MTFMT: variants seen among roughly 807,000 people sequenced by gnomAD.
MTFMT encodes the protein mitochondrial methionyl-tRNA formyltransferase, also known as methionyl-tRNA formyltransferase, mitochondrial.
In MTFMT, 47 loss-of-function variants were observed where a neutral mutation model predicts 51.8. The ratio of observed to expected loss-of-function variants is 0.91; its 90% CI spans 0.72 to 1.16. The LOEUF (loss-of-function observed/expected upper bound fraction) is 1.16. MTFMT is among the 50% of genes most tolerant of loss of function. MTFMT has a pLI of 0.00. For missense variants in MTFMT, 512 were observed against 482.3 expected, an observed-to-expected ratio of 1.06 and a Z score of -0.58; for synonymous variants, 196 against 176.7, an observed-to-expected ratio of 1.11 and a Z score of -0.87.
At position 65,003,160 on chromosome 15, in the gene MTFMT, A is replaced by T. The variant is rs1436329141; in HGVS notation, c.1072T>A (p.Ser358Thr). The change falls in exon 9 of 9, where the codon TCC becomes ACC. Residue 358 changes from serine to threonine, a missense_variant. Transcript: ENST00000220058. ...GYLHPWYQKN[S>T]QAQPSQCRFQ... is the part of the protein sequence containing the mutation. ...CTGCATTGGCTTGGTTGAGCTTGGGAATTTTTCTGGTACCAGGGGTGCAAA... is the reference window on the plus strand; with the variant it reads ...CTGCATTGGCTTGGTTGAGCTTGGGTATTTTTCTGGTACCAGGGGTGCAAA... 4.3e-6 allele frequency: 7 copies of T among 1,613,468 alleles called. No individual in the cohort carries two copies. The South Asian group carries it at 7.7e-5, about 18-fold the overall frequency.
chr15:65,024,956 T>G (rs1435046004), intron 2 of MTFMT, among the ~76,000 whole-genome samples: 1 of 152,178 alleles, frequency 6.6e-6, no homozygotes, highest in Non-Finnish European at 1.5e-5. Flanking sequence ...GAGGGAACAT[T>G]AAGTACAAAG....
intron 6 of MTFMT, among the ~76,000 whole-genome samples, chr15:65,009,574 CT>C (rs2086246035): frequency 6.6e-6 from 1 of 152,192 alleles, no homozygotes; most frequent in Non-Finnish European, 1.5e-5. Context: ...ATGTCCACTT[CT>C]TTTTATCCAC....
intron 1 of MTFMT, among the ~76,000 whole-genome samples, chr15:65,028,623 AAGG>A (rs1173376821): frequency 6.6e-6 from 1 of 152,108 alleles, no homozygotes; most frequent in African/African-American, 2.4e-5. Flanking sequence ...CTGTAGGGAA[AAGG>A]AGATGGAGAT....
intron 1 of MTFMT, among the ~76,000 whole-genome samples, chr15:65,027,979 C>A (rs1253493820): frequency 6.6e-6 from 1 of 152,212 alleles, no homozygotes; most frequent in Non-Finnish European, 1.5e-5. Flanking sequence ...ATCCTTTCTA[C>A]CTGCTGCATA....
intron 5 of MTFMT, among the ~76,000 whole-genome samples, chr15:65,019,676 C>A (rs1035186035): frequency 2.0e-5 from 3 of 151,926 alleles, no homozygotes; most frequent in African/African-American, 4.8e-5. Context: ...AGAGACATAA[C>A]AACTAATTAC....
At chr15:65,003,845 C>CAAAAAAAAAAAAAAAAAAAAA (rs768884218) in intron 8 of MTFMT, among the ~76,000 whole-genome samples, 1 of 40,642 alleles carries the variant, frequency 2.5e-5, no homozygotes, top group African/African-American at 9.0e-5. Flanking sequence ...AACTCCATCT[C>CAAAAAAAAAAAAAAAAAAAAA]AAAAAAAAAA....
At chr15:65,020,072 G>T in intron 5 of MTFMT, 125 bp downstream of exon 5, 1 of 800,038 alleles carries the variant, frequency 1.2e-6, no homozygotes, top group Non-Finnish European at 2.0e-6. Context: ...CTTTGGAAAA[G>T]CACACAAAAG....
intron 5 of MTFMT, 91 bp downstream of exon 5, chr15:65,020,106 G>T: frequency 1.6e-6 from 2 of 1,225,856 alleles, no homozygotes; most frequent in Non-Finnish European, 2.3e-6. Flanking sequence ...AAAATTAAGG[G>T]AAAAGTACAG....
In MTFMT at chr15:65,029,603, A is replaced by G. The variant is rs763275192; in HGVS notation, c.11T>C (p.Leu4Ser). 40 of 1,426,048 alleles carry G rather than the reference A, an allele frequency of 2.8e-5. No homozygotes were observed. Among genetic ancestry groups the G allele is most frequent in the South Asian group, 2.0e-4 (14 of 71,506 alleles). 88.3% of individuals were successfully genotyped at this position (1,426,048 alleles called of 1,614,324 possible). The change falls in exon 1 of 9, where the codon TTG becomes TCG. Residue 4 changes from leucine to serine, a missense_variant. Coordinates refer to ENST00000220058, the MANE Select transcript of MTFMT (RefSeq NM_139242.4). ...CGGAGGACCCCAACAGCGCCGCACC[A>G]ACACCCTCATCGCCTCGGCCGCCGG... is the stretch of plus-strand genomic sequence containing the variant. The part of the protein sequence containing the change: MRV[L>S]VRRCWGPPLA...
chr15:65,022,679 T>C (rs1386503969), intron 3 of MTFMT, among the ~76,000 whole-genome samples: 2 of 151,826 alleles, frequency 1.3e-5, no homozygotes, highest in South Asian at 2.1e-4. Context: ...AACAGTCTAA[T>C]GAATCATCAT....
intron 6 of MTFMT, among the ~76,000 whole-genome samples, chr15:65,011,415 C>G (rs940966851): frequency 6.8e-6 from 1 of 146,608 alleles, no homozygotes; most frequent in Admixed American, 7.0e-5. Flanking sequence ...TGTAAGAATT[C>G]TTTACTCTGG....
chr15:65,029,111 G>T, intron 1 of MTFMT: 1 of 235,230 alleles, frequency 4.3e-6, no homozygotes, highest in Non-Finnish European at 6.9e-6. Flanking sequence ...CTGGCCCGGG[G>T]GATGCAGGCA....
At chr15:65,025,539 G>A (rs1376616276) in intron 2 of MTFMT, among the ~76,000 whole-genome samples, 3 of 152,068 alleles carry the variant, frequency 2.0e-5, no homozygotes, top group East Asian at 1.9e-4. Context: ...TGGCAGCAGC[G>A]GAAGTGATGA....
chr15:65,017,168 T>C (rs774661254), intron 5 of MTFMT, among the ~76,000 whole-genome samples: 1 of 150,932 alleles, frequency 6.6e-6, no homozygotes, highest in Non-Finnish European at 1.5e-5. Context: ...TTGCAAGTTA[T>C]CTCAGAGAGG....
In MTFMT at chr15:65,029,582, G is replaced by A. The variant is rs993637538; in HGVS notation, c.32C>T (p.Pro11Leu). 47 of 1,496,060 alleles carry A rather than the reference G, an allele frequency of 3.1e-5. No homozygotes were observed. Among genetic ancestry groups the A allele is most frequent in the Non-Finnish European group, 4.1e-5 (46 of 1,123,090 alleles). 92.7% of individuals were successfully genotyped at this position (1,496,060 alleles called of 1,614,324 possible). A position where few individuals can be genotyped will look rare whatever the true frequency, so the allele number is the denominator to read the frequency against. MRVLVRRCWG[P>L]PLAHGARRGR... Reference sequence around the variant, plus strand: ...ACGCCTGGCGCCATGAGCCAGCGGAGGACCCCAACAGCGCCGCACCAACAC... The same window carrying A: ...ACGCCTGGCGCCATGAGCCAGCGGAAGACCCCAACAGCGCCGCACCAACAC... The change falls in exon 1 of 9, where the codon CCT (proline) becomes CTT (leucine). Residue 11 changes from proline to leucine, a missense_variant. Pro to Leu is a moderately conservative substitution (Grantham distance 98, BLOSUM62 -3). Coordinates refer to ENST00000220058, the MANE Select transcript of MTFMT (RefSeq NM_139242.4).
chr15:65,021,609 C>T lies in MTFMT; in HGVS notation c.550G>A (p.Val184Ile), dbSNP rs2086374816. 1 of 1,567,562 alleles carries T rather than the reference C, an allele frequency of 6.4e-7. No homozygotes were observed. Among genetic ancestry groups the T allele is most frequent in the Admixed American group, 1.8e-5 (1 of 55,480 alleles). ...IMQIRPKRFD[V>I]GPILKQETVP... ...GTTTCTTGTTTGAGAATTGGGCCTA[C>T]ATCAAACCTAGCAAAAAATCAAAAG... The change falls in exon 4 of 9, where the codon GTA becomes ATA. Residue 184 changes from valine to isoleucine, a missense_variant. By Grantham distance (29) the Val-to-Ile change is conservative. Coordinates refer to ENST00000220058, the MANE Select transcript of MTFMT (RefSeq NM_139242.4).
intron 6 of MTFMT, among the ~76,000 whole-genome samples, chr15:65,008,946 T>C (rs2086240405): frequency 6.6e-6 from 1 of 151,256 alleles, no homozygotes; most frequent in South Asian, 2.1e-4. Flanking sequence ...CACCTTATCA[T>C]CAGAGCATTG....
chr15:65,019,029 G>A (rs147708069), intron 5 of MTFMT, among the ~76,000 whole-genome samples: 218 of 152,310 alleles, frequency 1.4e-3, no homozygotes, highest in African/African-American at 4.6e-3. Context: ...AATCCATAGT[G>A]AAATAATTCA....
intron 6 of MTFMT, among the ~76,000 whole-genome samples, chr15:65,013,713 G>A (rs1303569084): frequency 6.6e-6 from 1 of 152,122 alleles, no homozygotes; most frequent in African/African-American, 2.4e-5. Context: ...GGAGGCTGAG[G>A]TGGGCGGATC....
Sources: allele counts gnomAD v4.1 joint callset (sites outside exome capture counted in the v4.1 genomes callset), GRCh38; gene constraint gnomAD v4.1.1; transcripts MANE v1.5; gene names NCBI Gene and HGNC (gene_info 2026-07-23, HGNC 2026-07-21).